SCNN1G: variants seen among roughly 807,000 people sequenced by gnomAD.
The protein encoded by SCNN1G is epithelial sodium channel subunit gamma.
Under a neutral mutation model 64.6 loss-of-function variants are expected in SCNN1G, and 27 were observed. The observed-to-expected ratio is 0.42, with a 90% CI of 0.31 to 0.58. The LOEUF (loss-of-function observed/expected upper bound fraction) is 0.58. SCNN1G is among the 20% of genes least tolerant of loss of function. The probability of loss-of-function intolerance (pLI) is 0.18; values close to 1 mark genes in which losing one functional copy is unlikely to be tolerated. For synonymous variants in SCNN1G, 330 were observed against 314.2 expected, an observed-to-expected ratio of 1.05 and a Z score of -0.53; for missense variants, 743 against 823.4, an observed-to-expected ratio of 0.90 and a Z score of 1.19.
chr16:23,189,494 A>G lies in SCNN1G; in HGVS notation c.441A>G (p.Ser147=). Residue 147 remains serine (S), a synonymous_variant, in exon 3 of 13, where the codon TCA becomes TCG. Coordinates refer to ENST00000300061, the MANE Select transcript of SCNN1G (RefSeq NM_001039.4). ...AGGCGGAGTCCTGGAACTCCGTCTC[A>G]GAGGGAAAGCAGCCTAGATTCTCCC... ...RREAESWNSV[S]EGKQPRFSHR... 1.2e-6 allele frequency: 2 copies of G among 1,614,226 alleles called. No homozygotes were observed. The highest frequency in any genetic ancestry group is 1.7e-6 in the Non-Finnish European group (2 of 1,180,032).
chr16:23,213,312 G>T (rs527840367), intron 11 of SCNN1G, 149 bp downstream of exon 11: 20 of 659,098 alleles, frequency 3.0e-5, no homozygotes, highest in Non-Finnish European at 5.3e-5. Context: ...GAGTGCAGTG[G>T]TGTGATCTCA....
Position 23,215,577 on chromosome 16 carries a change from C to A in SCNN1G, c.*108C>A, listed in dbSNP as rs1251791340. 3.7e-6 allele frequency: 5 copies of A among 1,368,774 alleles called. No homozygotes were observed. Among genetic ancestry groups the A allele is most frequent in the South Asian group, 1.2e-5 (1 of 84,362 alleles). 84.8% of individuals were successfully genotyped at this position (1,368,774 alleles called of 1,614,324 possible). ...AGGGGACCCTCTGCCCCACTCTGGGCTTTTCAGATACTCTGACCAAAAAGC... is the reference window on the plus strand; with the variant it reads ...AGGGGACCCTCTGCCCCACTCTGGGATTTTCAGATACTCTGACCAAAAAGC... On this transcript the variant is annotated 3_prime_UTR_variant, in exon 13 of 13. Coordinates refer to ENST00000300061, the MANE Select transcript of SCNN1G (RefSeq NM_001039.4).
intron 11 of SCNN1G, among the ~76,000 whole-genome samples, chr16:23,214,510 A>G (rs1567269876): frequency 6.6e-6 from 1 of 152,188 alleles, no homozygotes; most frequent in East Asian, 1.9e-4. Flanking sequence ...TCTTGAGTGA[A>G]TGAATGACCT....
intron 3 of SCNN1G, 53 bp downstream of exon 3, chr16:23,189,724 G>A: frequency 6.5e-7 from 1 of 1,548,816 alleles, no homozygotes; most frequent in South Asian, 1.1e-5. Context: ...GGATGGGCTG[G>A]GTCCAGGACT....
chr16:23,208,733 CCT>C (rs899634813), intron 6 of SCNN1G, among the ~76,000 whole-genome samples: 8 of 148,190 alleles, frequency 5.4e-5, no homozygotes, highest in Non-Finnish European at 1.0e-4. Flanking sequence ...CCCTTCCCTC[CCT>C]CTCTCTCTCT....
intron 10 of SCNN1G, 45 bp downstream of exon 10, chr16:23,212,939 G>A (rs1455052347): frequency 6.3e-7 from 1 of 1,588,302 alleles, no homozygotes; most frequent in South Asian, 1.1e-5. Context: ...CCCCAGCCTG[G>A]AGCCCCACTG....
At chr16:23,201,791 C>T (rs1243935275) in intron 6 of SCNN1G, among the ~76,000 whole-genome samples, 1 of 152,186 alleles carries the variant, frequency 6.6e-6, no homozygotes. Context: ...AAGTTCCTAA[C>T]TTTCAGAGGG....
At chr16:23,211,946 C>T in intron 7 of SCNN1G, 88 bp from the exon 8 acceptor site, 1 of 978,948 alleles carries the variant, frequency 1.0e-6, no homozygotes, top group Non-Finnish European at 1.7e-6. Flanking sequence ...TTAAGGGAGG[C>T]TGACCCCCTG....
intron 11 of SCNN1G, 76 bp downstream of exon 11, chr16:23,213,239 A>G: frequency 1.2e-6 from 1 of 808,076 alleles, no homozygotes; most frequent in Admixed American, 1.9e-5. Flanking sequence ...CTGTATGTGT[A>G]TGGCCAAATC....
intron 3 of SCNN1G, 87 bp downstream of exon 3, chr16:23,189,758 G>A: frequency 7.8e-7 from 1 of 1,283,270 alleles, no homozygotes; most frequent in Non-Finnish European, 1.1e-6. Flanking sequence ...ACTAGCCCCT[G>A]TGGTCCAACT....
At chr16:23,196,203 C>A (rs937622246) in intron 5 of SCNN1G, among the ~76,000 whole-genome samples, 1 of 152,068 alleles carries the variant, frequency 6.6e-6, no homozygotes, top group Non-Finnish European at 1.5e-5. Flanking sequence ...AAGAGGAGGG[C>A]TATTTAAGGA....
Position 23,197,305 on chromosome 16 carries a change from C to T in SCNN1G, c.955C>T (p.Pro319Ser). The T allele has an allele frequency of 6.2e-7, 1 of 1,613,108 alleles. No individual in the cohort carries two copies. The highest frequency in any genetic ancestry group is 8.5e-7 in the Non-Finnish European group (1 of 1,179,096). Residue 319 changes from proline to serine, a missense_variant, in exon 6 of 13, where the codon CCA becomes TCA. Transcript: ENST00000300061. ...ILYINEEEYN[P>S]FLVSSTGAKV... ...GTACATAAACGAAGAGGAATACAAC[C>T]CATTCCTCGTGTCCTCCACTGGAGC...
intron 4 of SCNN1G, 126 bp downstream of exon 4, chr16:23,192,668 G>A: frequency 3.9e-6 from 3 of 772,536 alleles, no homozygotes; most frequent in Non-Finnish European, 4.4e-6. Flanking sequence ...CACTGATGCT[G>A]CCTTTTGGAA....
rs762522517 is a variant in SCNN1G, at chr16:23,186,249, G to A, written c.-23G>A. ...CCAGCACGCCCGTCCTCAGAGTCCC[G>A]TCCTCAAAGTCCCATCCTCGCCATG... On this transcript the variant is annotated 5_prime_UTR_variant, in exon 2 of 13. Coordinates refer to ENST00000300061, the MANE Select transcript of SCNN1G (RefSeq NM_001039.4). 42 of 1,613,534 alleles carry A rather than the reference G, an allele frequency of 2.6e-5. No individual in the cohort carries two copies. In the Admixed American group the frequency reaches 6.7e-4, roughly 26 times the overall value.
chr16:23,205,388 C>A (rs2141940521), intron 6 of SCNN1G, among the ~76,000 whole-genome samples: 1 of 152,076 alleles, frequency 6.6e-6, no homozygotes, highest in South Asian at 2.1e-4. Context: ...GCCTAGAGAC[C>A]CAAAGCAAAC....
intron 6 of SCNN1G, among the ~76,000 whole-genome samples, chr16:23,200,531 G>A (rs926984163): frequency 1.3e-5 from 2 of 152,214 alleles, no homozygotes; most frequent in African/African-American, 4.8e-5. Flanking sequence ...ATATCCGCCT[G>A]TCATTTATCC....
In SCNN1G at chr16:23,186,326, G is replaced by C; in HGVS notation, c.55G>C (p.Gly19Arg). Residue 19 changes from glycine to arginine, a missense_variant, in exon 2 of 13, where the codon GGC (glycine) becomes CGC (arginine). Gly to Arg is a moderately radical substitution (Grantham distance 125, BLOSUM62 -2). Transcript: ENST00000300061. ...AATCAAGAAGAATCTGCCCGTGACGGGCCCTCAGGCGCCGACCATTAAAGA... is the reference window on the plus strand; with the variant it reads ...AATCAAGAAGAATCTGCCCGTGACGCGCCCTCAGGCGCCGACCATTAAAGA... ...AKIKKNLPVT[G>R]PQAPTIKELM... 6.2e-7 allele frequency: 1 copy of C among 1,614,228 alleles called. No individual in the cohort carries two copies. The highest frequency in any genetic ancestry group is 8.5e-7 in the Non-Finnish European group (1 of 1,180,036).
chr16:23,193,093 A>T, intron 4 of SCNN1G, among the ~76,000 whole-genome samples: 1 of 150,712 alleles, frequency 6.6e-6, no homozygotes, highest in Admixed American at 6.6e-5. Flanking sequence ...AAAAAAAAAA[A>T]AAAACCCAAC....
chr16:23,208,803 C>T (rs1486402006), intron 6 of SCNN1G, among the ~76,000 whole-genome samples: 1 of 151,514 alleles, frequency 6.6e-6, no homozygotes, highest in Non-Finnish European at 1.5e-5. Flanking sequence ...AGTGGCACAA[C>T]CATAGCTCAT....
Sources: gnomAD v4.1 joint callset for allele counts (sites outside exome capture counted in the v4.1 genomes callset) on GRCh38, gnomAD v4.1.1 for gene constraint, MANE v1.5 for transcripts, NCBI Gene and HGNC (gene_info 2026-07-23, HGNC 2026-07-21) for gene names.